FOXP2: variants seen among roughly 807,000 people sequenced by gnomAD.
FOXP2 encodes forkhead box protein P2.
In FOXP2, 12 loss-of-function variants were observed where a neutral mutation model predicts 115.8. That is an observed-to-expected ratio of 0.10 (90% confidence interval 0.07 to 0.17). FOXP2 has a LOEUF of 0.17. Ranked by LOEUF, FOXP2 falls within the 10% of genes least tolerant of loss-of-function variation. FOXP2 has a pLI of 1.00. For missense variants in FOXP2, 629 were observed against 843.5 expected (o/e 0.75, Z 3.15); for synonymous variants, 328 against 297.7 (o/e 1.10, Z -1.05).
At chr7:114,440,510 C>A (rs1317795882) in intron 2 of FOXP2, among the ~76,000 whole-genome samples, 1 of 152,030 alleles carries the variant, frequency 6.6e-6, no homozygotes, top group East Asian at 1.9e-4. Flanking sequence ...TATTTGAAAG[C>A]CTTAAAGTTA....
chr7:114,416,229 G>C (rs1793335273), intron 1 of FOXP2: 1 of 152,078 alleles, frequency 6.6e-6, no homozygotes, highest in East Asian at 1.9e-4. Context: ...TGTCAAGAGA[G>C]ACATTTTTAA....
chr7:114,176,233 T>TG (rs1435913969), intron 1 of FOXP2, among the ~76,000 whole-genome samples: 22 of 146,818 alleles, frequency 1.5e-4, no homozygotes, highest in South Asian at 6.3e-4. Context: ...TGTCTTGTCT[T>TG]TTCTTTCTTT....
At chr7:114,441,497 C>A (rs1794604215) in intron 2 of FOXP2, among the ~76,000 whole-genome samples, 1 of 152,060 alleles carries the variant, frequency 6.6e-6, no homozygotes, top group Admixed American at 6.6e-5. Context: ...TCTTAGTTCA[C>A]AAATCGTCAA....
At chr7:114,286,550 G>C (rs2129175758) in intron 1 of FOXP2, among the ~76,000 whole-genome samples, 1 of 152,080 alleles carries the variant, frequency 6.6e-6, no homozygotes, top group Non-Finnish European at 1.5e-5. Context: ...GCATATATTA[G>C]GCAGAGTATA....
chr7:114,365,947 A>G (rs1176343975), intron 2 of FOXP2, among the ~76,000 whole-genome samples: 2 of 152,054 alleles, frequency 1.3e-5, no homozygotes, highest in Admixed American at 6.6e-5. Context: ...CAAAATTCCT[A>G]TTTTTATGAG....
chr7:114,290,114 A>G (rs896075211), intron 2 of FOXP2, among the ~76,000 whole-genome samples: 1 of 152,004 alleles, frequency 6.6e-6, no homozygotes, highest in Non-Finnish European at 1.5e-5. Flanking sequence ...CTTGGTACAT[A>G]GCTATTTTCA....
intron 2 of FOXP2, among the ~76,000 whole-genome samples, chr7:114,391,160 C>G (rs1383210486): frequency 2.0e-5 from 3 of 151,686 alleles, no homozygotes; most frequent in African/African-American, 7.3e-5. Context: ...GTACTCCAGC[C>G]TTGGCGACAA....
intron 2 of FOXP2, among the ~76,000 whole-genome samples, chr7:114,372,467 G>C (rs1272242078): frequency 6.6e-6 from 1 of 152,088 alleles, no homozygotes; most frequent in Non-Finnish European, 1.5e-5. Context: ...GGAAAGAACG[G>C]GGAAGAGGAT....
chr7:114,197,358 G>A (rs1563001382), intron 1 of FOXP2, among the ~76,000 whole-genome samples: 2 of 152,202 alleles, frequency 1.3e-5, no homozygotes. Flanking sequence ...TAAGCTCAGG[G>A]TGCCAGAATG....
chr7:114,109,669 A>G (rs1398857125), intron 1 of FOXP2, among the ~76,000 whole-genome samples: 2 of 152,070 alleles, frequency 1.3e-5, no homozygotes, highest in African/African-American at 2.4e-5. Context: ...TTTCATTCCA[A>G]CTTTAGCTTT....
At chr7:114,249,402 C>G (rs148467815) in intron 1 of FOXP2, among the ~76,000 whole-genome samples, 1 of 151,538 alleles carries the variant, frequency 6.6e-6, no homozygotes, top group Admixed American at 6.6e-5. Flanking sequence ...GTGTGTTGTT[C>G]CCCTCCCTGT....
At chr7:114,242,556 T>G (rs1795182471) in intron 1 of FOXP2, among the ~76,000 whole-genome samples, 2 of 152,232 alleles carry the variant, frequency 1.3e-5, no homozygotes, top group South Asian at 4.1e-4. Flanking sequence ...CCTCCAGGAT[T>G]GACAACTGAG....
intron 1 of FOXP2, among the ~76,000 whole-genome samples, chr7:114,131,990 T>C (rs1791890999): frequency 6.6e-6 from 1 of 152,176 alleles, no homozygotes. Flanking sequence ...CCAGTTTTCT[T>C]GGTTAGTGTC....
chr7:114,610,188 G>A (rs1045013410), intron 3 of FOXP2, among the ~76,000 whole-genome samples: 6 of 152,064 alleles, frequency 3.9e-5, no homozygotes, highest in African/African-American at 1.4e-4. Context: ...AACATGCTAT[G>A]GTAACTAAAA....
intron 2 of FOXP2, among the ~76,000 whole-genome samples, chr7:114,392,016 A>G (rs562707869): frequency 2.6e-5 from 4 of 152,304 alleles, no homozygotes; most frequent in South Asian, 2.1e-4. Context: ...AGGGGAAACT[A>G]TGTTGTCAAG....
rs193201107 is a variant in FOXP2 at position 114,537,354 on chromosome 7, C to T, written c.258+2648C>T. On this transcript the variant is annotated intron_variant, in intron 3 of 16. Transcript: ENST00000350908. ...ATGGTTCTTAATATGTCAGGCATAA[C>T]ATCTTTAGAGAACCAAAAGAGATAC... Among the ~76,000 whole-genome samples the T allele has an allele frequency of 3.0e-4, 46 of 151,620 alleles. 1 individual carries two copies. The South Asian group carries it at 9.1e-3, about 30-fold the overall frequency.
rs1045004528 is a variant in FOXP2 at position 114,415,067 on chromosome 7, A to G, written c.-304A>G. On this transcript the variant is annotated 5_prime_UTR_variant, in exon 1 of 17. Transcript: ENST00000350908. ...TAGTGATTAAATGCTGATTTTGTGT[A>G]CGATTGTCCACGGACGCCAAAACAA... 1 of 454,232 alleles carries G rather than the reference A, an allele frequency of 2.2e-6. No individual in the cohort carries two copies. Among genetic ancestry groups the G allele is most frequent in the African/African-American group, 2.0e-5 (1 of 50,086 alleles). The allele number at this position is 454,232 out of a possible 1,614,324, so 28.1% of individuals were successfully genotyped here. A position where few individuals can be genotyped will look rare whatever the true frequency, so the allele number is the denominator to read the frequency against.
At chr7:114,220,751 A>G (rs1402617670) in intron 1 of FOXP2, among the ~76,000 whole-genome samples, 1 of 152,216 alleles carries the variant, frequency 6.6e-6, no homozygotes, top group South Asian at 2.1e-4. Flanking sequence ...TAATAGAAAT[A>G]TGTTAAATAC....
At chr7:114,482,715 T>C (rs1796612656) in intron 2 of FOXP2, among the ~76,000 whole-genome samples, 1 of 151,538 alleles carries the variant, frequency 6.6e-6, no homozygotes, top group Admixed American at 6.6e-5. Context: ...ACATGCTCAA[T>C]TTGGAACATA....
Sources: gnomAD v4.1 joint callset for allele counts (sites outside exome capture counted in the v4.1 genomes callset) on GRCh38, gnomAD v4.1.1 for gene constraint, MANE v1.5 for transcripts, NCBI Gene and HGNC (gene_info 2026-07-23, HGNC 2026-07-21) for gene names.